Variants in EFHC2 observed in about 807,000 individuals in gnomAD.
The protein encoded by EFHC2 is EF-hand domain-containing family member C2.
A neutral mutation model predicts 52.7 loss-of-function variants in EFHC2; 18 were observed. That is an observed-to-expected ratio of 0.34 (90% CI 0.24 to 0.51). The LOEUF is 0.51. Ranked by LOEUF, EFHC2 falls within the 20% of genes least tolerant of loss-of-function variation. The pLI is 0.97. For missense variants in EFHC2, 513 were observed against 562.5 expected (o/e 0.91, Z 0.89); for synonymous variants, 203 against 204.1 (o/e 0.99, Z 0.04).
intron 2 of EFHC2, among the ~76,000 whole-genome samples, chrX:44,306,476 C>T (rs934085143): frequency 3.6e-5 from 4 of 111,558 alleles, no homozygotes; most frequent in Non-Finnish European, 5.6e-5. Context: ...GTGAGTCATG[C>T]GGCCAGCCCT....
At chrX:44,266,343 C>CT (rs201379943) in intron 3 of EFHC2, among the ~76,000 whole-genome samples, 15 of 105,193 alleles carry the variant, frequency 1.4e-4, no homozygotes, top group African/African-American at 2.4e-4. Flanking sequence ...ACAAAGAATT[C>CT]TTTTTTTTTT....
At chrX:44,321,474 G>A (rs1158173007) in intron 1 of EFHC2, among the ~76,000 whole-genome samples, 1 of 111,540 alleles carries the variant, frequency 9.0e-6, no homozygotes, top group African/African-American at 3.3e-5. Flanking sequence ...TACAGTGCTG[G>A]AATGAATGAT....
At chrX:44,306,340 A>C (rs1342695239) in intron 2 of EFHC2, among the ~76,000 whole-genome samples, 1 of 111,553 alleles carries the variant, frequency 9.0e-6, no homozygotes, top group Non-Finnish European at 1.9e-5. Context: ...AGTTCCAGAC[A>C]GGAAAAACAA....
intron 14 of EFHC2, among the ~76,000 whole-genome samples, chrX:44,162,951 T>C (rs1602128253): frequency 8.9e-6 from 1 of 112,056 alleles, no homozygotes; most frequent in East Asian, 2.8e-4. Context: ...TGAGAGTCAA[T>C]ACTTAATCCT....
At chrX:44,243,755 G>T (rs2037378492) in intron 7 of EFHC2, among the ~76,000 whole-genome samples, 1 of 111,126 alleles carries the variant, frequency 9.0e-6, no homozygotes, top group African/African-American at 3.3e-5. Flanking sequence ...GTACAGAAGT[G>T]ACTTGTGAGC....
At chrX:44,250,043 G>C in intron 5 of EFHC2, 151 bp downstream of exon 5, 2 of 612,351 alleles carry the variant, frequency 3.3e-6, no homozygotes, top group Non-Finnish European at 4.8e-6. Context: ...TCACAGATGT[G>C]TATTAATAGA....
chrX:44,309,811 T>A, intron 2 of EFHC2: 2 of 1,094,726 alleles, frequency 1.8e-6, no homozygotes. Flanking sequence ...TACAACACGT[T>A]CACCATAGGT....
intron 1 of EFHC2, among the ~76,000 whole-genome samples, chrX:44,321,622 ATCAT>A (rs2038021355): frequency 9.0e-6 from 1 of 111,681 alleles, no homozygotes; most frequent in South Asian, 3.7e-4. Flanking sequence ...AGAGTTTAGT[ATCAT>A]GGAAACTACC....
chrX:44,224,563 A>G (rs750689153), intron 11 of EFHC2, among the ~76,000 whole-genome samples: 1 of 112,582 alleles, frequency 8.9e-6, no homozygotes, highest in East Asian at 2.8e-4. Context: ...AATCTCCTTG[A>G]GGTTCTAAAT....
At chrX:44,343,420 G>C in intron 1 of EFHC2, 127 bp downstream of exon 1, 1 of 849,260 alleles carries the variant, frequency 1.2e-6, no homozygotes, top group Non-Finnish European at 1.7e-6. Flanking sequence ...TTTGGTCCAA[G>C]TTGCCACCAA....
intron 1 of EFHC2, among the ~76,000 whole-genome samples, chrX:44,314,575 T>C (rs12009688): frequency 0.16 from 17,728 of 109,685 alleles, 1,198 homozygotes; most frequent in African/African-American, 0.25. Flanking sequence ...CAATTGTCGC[T>C]ACCTCCACCA....
intron 13 of EFHC2, among the ~76,000 whole-genome samples, chrX:44,173,540 C>T (rs1322713084): frequency 2.7e-5 from 3 of 111,810 alleles, no homozygotes; most frequent in Non-Finnish European, 5.6e-5. Context: ...CAAATCATGG[C>T]AGGGCATATT....
At chrX:44,310,272 T>C in intron 2 of EFHC2, 1 of 851,605 alleles carries the variant, frequency 1.2e-6, no homozygotes, top group Non-Finnish European at 1.6e-6. Flanking sequence ...CAGCGGCTCA[T>C]CCTCCACGCC....
At chrX:44,232,986 T>C (rs2037291283) in intron 9 of EFHC2, among the ~76,000 whole-genome samples, 1 of 111,074 alleles carries the variant, frequency 9.0e-6, no homozygotes, top group African/African-American at 3.3e-5. Context: ...CTGAGCAGCA[T>C]AGCAAGATTC....
intron 11 of EFHC2, among the ~76,000 whole-genome samples, chrX:44,207,870 A>G (rs1320643758): frequency 8.9e-6 from 1 of 112,868 alleles, no homozygotes. Context: ...GCAGACAGAC[A>G]TAAAAGCAGC....
intron 11 of EFHC2, among the ~76,000 whole-genome samples, chrX:44,191,682 G>A (rs771767592): frequency 1.1e-3 from 120 of 111,889 alleles, no homozygotes; most frequent in Non-Finnish European, 1.9e-3. Flanking sequence ...ATCTCAATTA[G>A]CCTAAGGGAA....
intron 11 of EFHC2, among the ~76,000 whole-genome samples, chrX:44,226,927 A>T (rs1338950430): frequency 5.5e-5 from 6 of 108,788 alleles, no homozygotes; most frequent in East Asian, 5.8e-4. Context: ...GAAGGAAGGA[A>T]GGAAGGAAGG....
chrX:44,276,207 T>C (rs2037656819), intron 2 of EFHC2, among the ~76,000 whole-genome samples: 1 of 111,324 alleles, frequency 9.0e-6, no homozygotes, highest in Admixed American at 9.6e-5. Flanking sequence ...TGAAACACTT[T>C]AGGCCAAGAG....
intron 1 of EFHC2, among the ~76,000 whole-genome samples, chrX:44,317,462 T>G (rs1398530830): frequency 8.9e-6 from 1 of 112,638 alleles, no homozygotes; most frequent in Non-Finnish European, 1.9e-5. Context: ...ATATGTCCAA[T>G]GCCATTAGTC....
Sources: allele counts gnomAD v4.1 joint callset (sites outside exome capture counted in the v4.1 genomes callset), GRCh38; gene constraint gnomAD v4.1.1; transcripts MANE v1.5; gene names NCBI Gene and HGNC (gene_info 2026-07-23, HGNC 2026-07-21).